SUPT3H: variants seen among roughly 807,000 people sequenced by gnomAD.
SUPT3H encodes the protein SPT3 homolog, SAGA and STAGA complex component.
A neutral mutation model predicts 44.3 loss-of-function variants in SUPT3H; 44 were observed. That is an observed-to-expected ratio of 0.99 (90% CI 0.78 to 1.28). The LOEUF is 1.28. Ranked by LOEUF, SUPT3H falls within the 50% of genes most tolerant of loss-of-function variation. The probability of loss-of-function intolerance (pLI) is 0.00; values close to 1 mark genes in which losing one functional copy is unlikely to be tolerated. For missense variants in SUPT3H, 380 were observed against 387.1 expected (o/e 0.98, Z 0.15); for synonymous variants, 124 against 125.6 (o/e 0.99, Z 0.09).
chr6:45,308,271 A>G (rs1783406594), intron 2 of SUPT3H, among the ~76,000 whole-genome samples: 1 of 152,204 alleles, frequency 6.6e-6, no homozygotes, highest in African/African-American at 2.4e-5. Context: ...CTCCTCGAGA[A>G]GAGCAACTCC....
chr6:44,834,055 C>T (rs1581886652), intron 10 of SUPT3H, among the ~76,000 whole-genome samples: 2 of 152,056 alleles, frequency 1.3e-5, no homozygotes, highest in Admixed American at 6.6e-5. Flanking sequence ...ACTTGGGGAG[C>T]TTTAAAAGAC....
At chr6:45,295,504 A>G in intron 2 of SUPT3H, among the ~76,000 whole-genome samples, 1 of 147,358 alleles carries the variant, frequency 6.8e-6, no homozygotes. Flanking sequence ...ACTTAATTAA[A>G]CGAAAGAGCT....
At chr6:44,912,760 T>C (rs942523287) in intron 10 of SUPT3H, among the ~76,000 whole-genome samples, 1 of 152,176 alleles carries the variant, frequency 6.6e-6, no homozygotes, top group Non-Finnish European at 1.5e-5. Flanking sequence ...CTCCTTACAA[T>C]TAAATGTAAA....
chr6:45,134,221 G>A (rs1803925021), intron 2 of SUPT3H, among the ~76,000 whole-genome samples: 1 of 152,074 alleles, frequency 6.6e-6, no homozygotes, highest in Admixed American at 6.6e-5. Context: ...AGCGAGGGCC[G>A]AACTCACTAT....
At chr6:44,964,471 T>C (rs75066976) in intron 6 of SUPT3H, among the ~76,000 whole-genome samples, 1 of 152,164 alleles carries the variant, frequency 6.6e-6, no homozygotes, top group African/African-American at 2.4e-5. Context: ...ACATAGCTGA[T>C]GTATTCGCAA....
At chr6:44,961,052 C>G (rs917041381) in intron 7 of SUPT3H, among the ~76,000 whole-genome samples, 1 of 152,138 alleles carries the variant, frequency 6.6e-6, no homozygotes, top group African/African-American at 2.4e-5. Flanking sequence ...CTGGACTTTT[C>G]ATCACACTTT....
intron 10 of SUPT3H, among the ~76,000 whole-genome samples, chr6:44,879,316 T>C (rs2153433961): frequency 6.6e-6 from 1 of 152,304 alleles, no homozygotes; most frequent in East Asian, 1.9e-4. Flanking sequence ...CCTGGAACTT[T>C]GAACTGGGCA....
intron 2 of SUPT3H, among the ~76,000 whole-genome samples, chr6:45,135,665 G>T (rs984274641): frequency 1.3e-4 from 20 of 152,002 alleles, no homozygotes; most frequent in African/African-American, 4.8e-4. Flanking sequence ...AGAAACCACA[G>T]TTTTTGCCCA....
chr6:44,996,924 T>C (rs1242682162), intron 6 of SUPT3H, among the ~76,000 whole-genome samples: 3 of 151,842 alleles, frequency 2.0e-5, no homozygotes, highest in Non-Finnish European at 3.0e-5. Flanking sequence ...TGATTTCTAA[T>C]ACCATCTTTA....
At chr6:45,246,738 G>A (rs1349789974) in intron 2 of SUPT3H, among the ~76,000 whole-genome samples, 3 of 152,164 alleles carry the variant, frequency 2.0e-5, no homozygotes, top group Admixed American at 2.0e-4. Flanking sequence ...AGCAATTCAC[G>A]GGTCAAGGCA....
At chr6:45,041,485 G>A (rs1788527555) in intron 3 of SUPT3H, among the ~76,000 whole-genome samples, 1 of 152,308 alleles carries the variant, frequency 6.6e-6, no homozygotes, top group East Asian at 1.9e-4. Context: ...TGGTGAAAGA[G>A]AAATAAGAAT....
At chr6:44,888,994 C>T (rs1426292117) in intron 10 of SUPT3H, among the ~76,000 whole-genome samples, 1 of 140,068 alleles carries the variant, frequency 7.1e-6, no homozygotes, top group Admixed American at 7.4e-5. Flanking sequence ...AGAGCCAAAT[C>T]ATGAGTGAAC....
intron 10 of SUPT3H, among the ~76,000 whole-genome samples, chr6:44,864,518 T>C (rs1032504038): frequency 2.0e-5 from 3 of 152,204 alleles, no homozygotes; most frequent in African/African-American, 7.2e-5. Flanking sequence ...ATCCAGGTAT[T>C]TCCCTACATC....
At chr6:45,356,599 C>T (rs558604778) in intron 2 of SUPT3H, among the ~76,000 whole-genome samples, 2 of 152,130 alleles carry the variant, frequency 1.3e-5, no homozygotes, top group African/African-American at 4.8e-5. Context: ...CAGGGTTTCA[C>T]CATGGTGGCC....
chr6:45,058,548 G>T (rs945246493), intron 3 of SUPT3H, among the ~76,000 whole-genome samples: 2 of 152,068 alleles, frequency 1.3e-5, no homozygotes, highest in African/African-American at 4.8e-5. Context: ...TCAGTTTGGG[G>T]ATACACCCTG....
rs374002609 is a variant in SUPT3H at position 45,208,069 on chromosome 6, A to G, written c.102-102063T>C. Among the ~76,000 whole-genome samples the G allele has an allele frequency of 3.2e-4, 48 of 152,350 alleles. No individual in the cohort carries two copies. The East Asian group carries it at 8.5e-3, about 27-fold the overall frequency. On this transcript the variant is annotated intron_variant, in intron 2 of 10. Coordinates refer to ENST00000371459, the MANE Select transcript of SUPT3H (RefSeq NM_003599.4). The stretch of plus-strand genomic sequence containing the variant: ...AAGTTGTGCATGAAAAGGGAAAGTT[A>G]TTGGAGGAAATCAGAAGTGCTACTC...
At chr6:45,043,230 T>A (rs1345110982) in intron 3 of SUPT3H, among the ~76,000 whole-genome samples, 1 of 151,864 alleles carries the variant, frequency 6.6e-6, no homozygotes, top group Non-Finnish European at 1.5e-5. Flanking sequence ...ATCTTTAACT[T>A]AATTAACACC....
At chr6:45,096,687 G>T (rs1797833416) in intron 3 of SUPT3H, among the ~76,000 whole-genome samples, 1 of 152,050 alleles carries the variant, frequency 6.6e-6, no homozygotes. Flanking sequence ...TTCCCCAAAT[G>T]AAACAATATG....
chr6:45,252,031 C>A (rs1772468013), intron 2 of SUPT3H, among the ~76,000 whole-genome samples: 1 of 152,042 alleles, frequency 6.6e-6, no homozygotes, highest in African/African-American at 2.4e-5. Flanking sequence ...AAGAAAATAA[C>A]CAGCCGACCA....
Sources: gnomAD v4.1 joint callset for allele counts (sites outside exome capture counted in the v4.1 genomes callset) on GRCh38, gnomAD v4.1.1 for gene constraint, MANE v1.5 for transcripts, NCBI Gene and HGNC (gene_info 2026-07-23, HGNC 2026-07-21) for gene names.